The following DNM3 variants were observed in gnomAD, a reference collection of about 807,000 sequenced individuals.
The protein encoded by DNM3 is dynamin-3.
A neutral mutation model predicts 101.6 loss-of-function variants in DNM3; 47 were observed. That is an observed-to-expected ratio of 0.46 (90% CI 0.37 to 0.59). The LOEUF (loss-of-function observed/expected upper bound fraction) is 0.59, where lower values mean the gene tolerates loss of function less well. Among genes scored for constraint, DNM3 ranks in the 20% least tolerant of loss-of-function variants. The pLI, the probability that DNM3 is intolerant of heterozygous loss-of-function variation, is 0.00. For synonymous variants in DNM3, 385 were observed against 387.9 expected (o/e 0.99, Z 0.09); for missense variants, 849 against 1,085.7 (o/e 0.78, Z 3.06).
intron 1 of DNM3, among the ~76,000 whole-genome samples, chr1:171,877,997 C>G (rs1273278324): frequency 6.6e-6 from 1 of 152,174 alleles, no homozygotes; most frequent in Non-Finnish European, 1.5e-5. Context: ...TTCTATAGTA[C>G]TTAGGACAAT....
chr1:171,942,201 ATTTTT>A (rs71561599), intron 2 of DNM3, among the ~76,000 whole-genome samples: 2 of 103,574 alleles, frequency 1.9e-5, no homozygotes, highest in African/African-American at 7.5e-5. Flanking sequence ...TGCTCACTTG[ATTTTT>A]TTTTTTTTTT....
At chr1:171,861,547 T>C (rs1237691247) in intron 1 of DNM3, among the ~76,000 whole-genome samples, 1 of 152,096 alleles carries the variant, frequency 6.6e-6, no homozygotes, top group African/African-American at 2.4e-5. Context: ...TGCAAAAGAA[T>C]ACATTGGGGC....
intron 2 of DNM3, among the ~76,000 whole-genome samples, chr1:171,944,373 A>G (rs867691576): frequency 8.3e-6 from 1 of 120,694 alleles, no homozygotes; most frequent in African/African-American, 2.8e-5. Context: ...TTATTTATTT[A>G]TTTATTTATT....
rs958039619 is a variant in DNM3, at chr1:172,215,066, T to A, written c.1660-38507T>A. 2.0e-5 allele frequency among the ~76,000 whole-genome samples: 3 copies of A among 152,250 alleles called. No homozygotes were observed. The South Asian group carries it at 6.2e-4, about 32-fold the overall frequency. ...TTCAATTATAGATGCTCAACAAATA[T>A]CAAGTAAGCACATTTAAACCTAAAG... On this transcript the variant is annotated intron_variant, in intron 14 of 20. Coordinates refer to ENST00000627582, the MANE Select transcript of DNM3 (RefSeq NM_015569.5).
chr1:172,387,327 A>G lies in DNM3; in HGVS notation c.2253A>G (p.Pro751=), dbSNP rs372157348. 71 of 1,613,662 alleles carry G rather than the reference A, an allele frequency of 4.4e-5. No individual in the cohort carries two copies. In the African/African-American group the frequency reaches 8.9e-4, roughly 20 times the overall value. The change falls in exon 19 of 21, where the codon CCA becomes CCG. Residue 751 remains proline, a synonymous_variant. Transcript: ENST00000627582. ...TATVSTPAPP[P]VDDSWIQHSR... ...CCGTGTCCACTCCGGCACCCCCTCC[A>G]GTGGATGACTCCTGGATACAGCACT...
intron 2 of DNM3, among the ~76,000 whole-genome samples, chr1:171,936,180 A>C (rs2041402554): frequency 6.6e-6 from 1 of 151,982 alleles, no homozygotes; most frequent in Non-Finnish European, 1.5e-5. Context: ...AACATGGTGA[A>C]ACCCCATCTC....
At chr1:172,338,588 A>G (rs756956335) in intron 17 of DNM3, among the ~76,000 whole-genome samples, 6 of 141,488 alleles carry the variant, frequency 4.2e-5, no homozygotes, top group Non-Finnish European at 7.8e-5. Flanking sequence ...TTCCTCATTG[A>G]AAACGACTGT....
At chr1:172,382,848 G>A (rs1314809582) in intron 18 of DNM3, among the ~76,000 whole-genome samples, 1 of 152,070 alleles carries the variant, frequency 6.6e-6, no homozygotes, top group African/African-American at 2.4e-5. Context: ...TTGAAACATA[G>A]AGCCATTTCA....
At chr1:172,415,596 C>T (rs1311000768), downstream of DNM3, among the ~76,000 whole-genome samples, 2 of 130,126 alleles carry the variant, frequency 1.5e-5, no homozygotes, top group African/African-American at 5.9e-5. Flanking sequence ...GTGGTGTGAT[C>T]TTGGCTCACT....
intron 13 of DNM3, among the ~76,000 whole-genome samples, chr1:172,093,267 G>T (rs1406583367): frequency 6.6e-6 from 1 of 152,152 alleles, no homozygotes; most frequent in African/African-American, 2.4e-5. Flanking sequence ...CATTTGCACA[G>T]CTTGGTATCA....
intron 4 of DNM3, among the ~76,000 whole-genome samples, chr1:171,996,327 G>T (rs943513100): frequency 2.6e-4 from 39 of 152,048 alleles, no homozygotes; most frequent in East Asian, 3.9e-4. Flanking sequence ...TCTGTATAGT[G>T]GTCTTTACTT....
chr1:172,202,729 C>T (rs1292550622), intron 14 of DNM3, among the ~76,000 whole-genome samples: 3 of 152,072 alleles, frequency 2.0e-5, no homozygotes, highest in Admixed American at 1.3e-4. Flanking sequence ...AGAAGAAGAA[C>T]ATAAGACTAT....
intron 17 of DNM3, among the ~76,000 whole-genome samples, chr1:172,358,055 C>G (rs1233328218): frequency 6.6e-6 from 1 of 152,076 alleles, no homozygotes; most frequent in Non-Finnish European, 1.5e-5. Context: ...CCACTCCTCT[C>G]CTTCTTCTGC....
intron 14 of DNM3, among the ~76,000 whole-genome samples, chr1:172,142,736 TAA>T (rs201730089): frequency 2.5e-3 from 282 of 114,728 alleles, no homozygotes; most frequent in Middle Eastern, 0.011. Flanking sequence ...ATTTCTAGAG[TAA>T]AAAAAAAAAA....
chr1:171,900,292 GA>G (rs1344499797), intron 1 of DNM3, among the ~76,000 whole-genome samples: 2 of 152,160 alleles, frequency 1.3e-5, no homozygotes, highest in Non-Finnish European at 2.9e-5. Context: ...CTGGGGCTCA[GA>G]AGAGAGATTG....
At chr1:171,902,339 A>T (rs2038432401) in intron 1 of DNM3, among the ~76,000 whole-genome samples, 1 of 152,258 alleles carries the variant, frequency 6.6e-6, no homozygotes, top group Non-Finnish European at 1.5e-5. Context: ...GAACAAAATC[A>T]GACTTTTGTA....
intron 1 of DNM3, among the ~76,000 whole-genome samples, chr1:171,881,701 C>T (rs948977527): frequency 3.9e-5 from 6 of 152,188 alleles, no homozygotes; most frequent in Admixed American, 1.3e-4. Context: ...AATGCTAACA[C>T]CCAGAGTGTC....
chr1:172,139,231 G>A (rs142921282), intron 14 of DNM3: 17 of 218,456 alleles, frequency 7.8e-5, no homozygotes, highest in Middle Eastern at 1.8e-3. Context: ...AGAGTTCAGC[G>A]TAATTGAACC....
chr1:172,078,381 T>C (rs1316415593), intron 11 of DNM3, among the ~76,000 whole-genome samples: 6 of 152,130 alleles, frequency 3.9e-5, no homozygotes, highest in Admixed American at 1.3e-4. Context: ...CATGAGCCAC[T>C]GCACCTGGCT....
Sources: gnomAD v4.1 joint callset for allele counts (sites outside exome capture counted in the v4.1 genomes callset) on GRCh38, gnomAD v4.1.1 for gene constraint, MANE v1.5 for transcripts, NCBI Gene and HGNC (gene_info 2026-07-23, HGNC 2026-07-21) for gene names.